Variants in ZFHX3 observed in about 807,000 individuals in gnomAD.
ZFHX3 encodes the protein zinc finger homeobox protein 3.
A neutral mutation model predicts 279.1 loss-of-function variants in ZFHX3; 42 were observed. That is an observed-to-expected ratio of 0.15 (90% confidence interval 0.12 to 0.19). The LOEUF is 0.19. Ranked by LOEUF, ZFHX3 falls within the 10% of genes least tolerant of loss-of-function variation. ZFHX3 has a pLI of 1.00. For synonymous variants in ZFHX3, 2,293 were observed against 1,957.8 expected, an observed-to-expected ratio of 1.17 and a Z score of -4.52; for missense variants, 4,981 against 4,754.0, an observed-to-expected ratio of 1.05 and a Z score of -1.40.
intron 5 of ZFHX3, among the ~76,000 whole-genome samples, chr16:73,256,674 TA>T (rs1167335256): frequency 7.2e-5 from 11 of 152,208 alleles, no homozygotes; most frequent in Non-Finnish European, 7.3e-5. Flanking sequence ...TTTAGGGAAA[TA>T]CCTTCAAAAT....
chr16:73,326,524 C>A lies in ZFHX3; in HGVS notation c.-1290-8188G>T, dbSNP rs541541168. On this transcript the variant is annotated intron_variant, in intron 3 of 17. Coordinates refer to the ZFHX3 transcript ENST00000641206. ...AAGCCAGACACAAAGGACCACATAT[C>A]GTATGAGTCTATTTATTTGCAATGC... is the stretch of plus-strand genomic sequence containing the variant. 2.6e-5 allele frequency among the ~76,000 whole-genome samples: 4 copies of A among 152,218 alleles called. No homozygotes were observed. The South Asian group carries it at 8.3e-4, about 32-fold the overall frequency.
intron 3 of ZFHX3, among the ~76,000 whole-genome samples, chr16:73,440,436 CT>C (rs2048518490): frequency 1.3e-5 from 2 of 152,232 alleles, no homozygotes; most frequent in Admixed American, 6.5e-5. Context: ...TGTAGTCAAT[CT>C]GCTTTTTTGA....
At chr16:72,962,703 A>G (rs1312273149) in intron 1 of ZFHX3, among the ~76,000 whole-genome samples, 1 of 152,054 alleles carries the variant, frequency 6.6e-6, no homozygotes, top group Non-Finnish European at 1.5e-5. Context: ...GCATTTTCAC[A>G]CCATCCTCAG....
intron 2 of ZFHX3, among the ~76,000 whole-genome samples, chr16:73,497,069 A>G (rs2143657371): frequency 6.6e-6 from 1 of 152,180 alleles, no homozygotes; most frequent in Non-Finnish European, 1.5e-5. Flanking sequence ...GCCACACCAC[A>G]CCATGCCCAT....
intron 2 of ZFHX3, chr16:73,499,539 C>T (rs973456148): frequency 2.6e-5 from 4 of 152,168 alleles, no homozygotes; most frequent in Non-Finnish European, 5.9e-5. Context: ...TCAAGTTCCT[C>T]CTGTTATGGT....
At chr16:73,605,608 C>T (rs1377115729) in intron 2 of ZFHX3, among the ~76,000 whole-genome samples, 1 of 149,894 alleles carries the variant, frequency 6.7e-6, no homozygotes, top group Non-Finnish European at 1.5e-5. Flanking sequence ...AAAAAGCAAG[C>T]GGATATCTGC....
At chr16:73,399,649 C>T (rs149821841) in intron 3 of ZFHX3, among the ~76,000 whole-genome samples, 4 of 152,248 alleles carry the variant, frequency 2.6e-5, no homozygotes, top group South Asian at 2.1e-4. Flanking sequence ...TTGAGTGGGC[C>T]GTGGTTACCT....
chr16:73,534,128 C>T (rs1344556766), intron 2 of ZFHX3, among the ~76,000 whole-genome samples: 4 of 152,096 alleles, frequency 2.6e-5, no homozygotes, highest in African/African-American at 9.7e-5. Context: ...CTAACACCCA[C>T]CTCCCTTACC....
At chr16:73,881,201 G>C (rs2030136496) in intron 1 of ZFHX3, among the ~76,000 whole-genome samples, 2 of 152,092 alleles carry the variant, frequency 1.3e-5, no homozygotes, top group Admixed American at 6.6e-5. Flanking sequence ...AGCTTGTGCG[G>C]TCCGCTGATA....
chr16:73,357,772 G>A (rs7195921), intron 3 of ZFHX3, among the ~76,000 whole-genome samples: 42,158 of 151,962 alleles, frequency 0.28, 5,976 homozygotes, highest in Middle Eastern at 0.34. Context: ...TTCCTCTTCC[G>A]GGTCACTCTG....
intron 2 of ZFHX3, among the ~76,000 whole-genome samples, chr16:72,951,493 C>G (rs1960999831): frequency 6.6e-6 from 1 of 152,174 alleles, no homozygotes; most frequent in African/African-American, 2.4e-5. Flanking sequence ...AACTCCTGAC[C>G]TCAGCTGATC....
intron 1 of ZFHX3, among the ~76,000 whole-genome samples, chr16:73,710,077 G>C (rs1275167766): frequency 6.6e-6 from 1 of 152,122 alleles, no homozygotes; most frequent in Non-Finnish European, 1.5e-5. Context: ...CAGCTACTCG[G>C]GAGGCTGAGG....
chr16:73,616,928 A>T (rs1255588721), intron 2 of ZFHX3, among the ~76,000 whole-genome samples: 1 of 152,196 alleles, frequency 6.6e-6, no homozygotes, highest in Non-Finnish European at 1.5e-5. Context: ...TTCAGAGAGA[A>T]AGGTCAAGTC....
chr16:72,930,004 G>GGTCAGGA (rs757385355), intron 3 of ZFHX3, among the ~76,000 whole-genome samples: 4 of 152,174 alleles, frequency 2.6e-5, no homozygotes, highest in Non-Finnish European at 1.5e-5. Context: ...GATCACTGGA[G>GGTCAGGA]GTCAGGAGTT....
At chr16:73,869,111 C>T (rs1430694697) in intron 1 of ZFHX3, among the ~76,000 whole-genome samples, 1 of 152,144 alleles carries the variant, frequency 6.6e-6, no homozygotes, top group Admixed American at 6.5e-5. Context: ...AGTAGCTAGT[C>T]ATGTTCACAA....
chr16:73,813,397 G>A (rs996523165), intron 1 of ZFHX3, among the ~76,000 whole-genome samples: 10 of 151,734 alleles, frequency 6.6e-5, no homozygotes, highest in Admixed American at 3.3e-4. Flanking sequence ...TCTCAACTCT[G>A]GGCATGTTTT....
At chr16:73,486,831 T>G (rs1429557054) in intron 2 of ZFHX3, 1 of 456,050 alleles carries the variant, frequency 2.2e-6, no homozygotes, top group Non-Finnish European at 4.4e-6. Flanking sequence ...ACTCTGCACT[T>G]TAGGGTCTCA....
At chr16:73,527,041 CA>C (rs1280100902) in intron 2 of ZFHX3, among the ~76,000 whole-genome samples, 2 of 152,094 alleles carry the variant, frequency 1.3e-5, no homozygotes. Flanking sequence ...CACCAACCAT[CA>C]AGAAGGGCTT....
chr16:72,955,597 G>A (rs1177946925), intron 2 of ZFHX3, among the ~76,000 whole-genome samples: 2 of 152,036 alleles, frequency 1.3e-5, no homozygotes, highest in Admixed American at 6.6e-5. Flanking sequence ...TGGCCAAGAT[G>A]GTGAAGCCCC....
Sources: allele counts gnomAD v4.1 joint callset (sites outside exome capture counted in the v4.1 genomes callset), GRCh38; gene constraint gnomAD v4.1.1; transcripts MANE v1.5; gene names NCBI Gene and HGNC (gene_info 2026-07-23, HGNC 2026-07-21).